The following CPXM2 variants were observed in gnomAD, a reference collection of about 807,000 sequenced individuals.
The protein encoded by CPXM2 is carboxypeptidase X, M14 family member 2, also known as inactive carboxypeptidase-like protein X2.
Under a neutral mutation model 86.1 loss-of-function variants are expected in CPXM2, and 66 were observed. The ratio of observed to expected loss-of-function variants is 0.77; its 90% CI spans 0.63 to 0.94. CPXM2 has a LOEUF of 0.94. Among genes scored for constraint, CPXM2 ranks in the 40% least tolerant of loss-of-function variants. The probability of loss-of-function intolerance (pLI) is 0.00; values close to 1 mark genes in which losing one functional copy is unlikely to be tolerated. For missense variants in CPXM2, 948 were observed against 1,026.3 expected (o/e 0.92, Z 1.04); for synonymous variants, 388 against 400.2 (o/e 0.97, Z 0.36).
intron 13 of CPXM2, among the ~76,000 whole-genome samples, chr10:123,749,059 G>C (rs983934848): frequency 6.6e-6 from 1 of 152,220 alleles, no homozygotes; most frequent in Admixed American, 6.5e-5. Context: ...TGAATGGGCT[G>C]GAGAGAAGTG....
intron 2 of CPXM2, among the ~76,000 whole-genome samples, chr10:123,879,443 G>C (rs1945045904): frequency 6.6e-6 from 1 of 152,090 alleles, no homozygotes; most frequent in Admixed American, 6.6e-5. Context: ...ACATTCCCAT[G>C]TCTCATTTTC....
chr10:123,905,793 C>G (rs1331955017), intron 2 of CPXM2, among the ~76,000 whole-genome samples: 1 of 152,154 alleles, frequency 6.6e-6, no homozygotes, highest in Admixed American at 6.5e-5. Flanking sequence ...GCCTCCCACC[C>G]CACCCTCACC....
chr10:123,752,912 G>A (rs1358232729), intron 13 of CPXM2, among the ~76,000 whole-genome samples: 3 of 152,156 alleles, frequency 2.0e-5, no homozygotes, highest in African/African-American at 7.2e-5. Context: ...TCATGGGGGC[G>A]AAGAGACAGA....
At chr10:123,923,995 A>T (rs1945601383) in intron 2 of CPXM2, among the ~76,000 whole-genome samples, 1 of 152,368 alleles carries the variant, frequency 6.6e-6, no homozygotes, top group African/African-American at 2.4e-5. Flanking sequence ...AGACTAATAC[A>T]CTAGCTATTA....
chr10:123,780,102 T>C, intron 7 of CPXM2, 65 bp downstream of exon 7: 1 of 1,029,542 alleles, frequency 9.7e-7, no homozygotes, highest in Non-Finnish European at 1.5e-6. Context: ...TAAGTGCTTA[T>C]GGACACATAA....
At chr10:123,937,470 A>ACACACACAC (rs1491511876) in intron 2 of CPXM2, among the ~76,000 whole-genome samples, 8 of 132,590 alleles carry the variant, frequency 6.0e-5, no homozygotes, top group African/African-American at 1.9e-4. Flanking sequence ...ACAACAAAAC[A>ACACACACAC]ACACACACAC....
chr10:123,858,943 G>A (rs1042157769), intron 3 of CPXM2, among the ~76,000 whole-genome samples: 1 of 152,184 alleles, frequency 6.6e-6, no homozygotes, highest in Non-Finnish European at 1.5e-5. Flanking sequence ...AAGAGCCAGC[G>A]GTGGGACCTG....
At chr10:123,925,545 G>T (rs1945615532) in intron 2 of CPXM2, among the ~76,000 whole-genome samples, 1 of 152,144 alleles carries the variant, frequency 6.6e-6, no homozygotes, top group Non-Finnish European at 1.5e-5. Flanking sequence ...ACCTTAATTT[G>T]TAAACATCCT....
At chr10:123,772,517 A>G (rs1846667468) in intron 7 of CPXM2, among the ~76,000 whole-genome samples, 1 of 149,126 alleles carries the variant, frequency 6.7e-6, no homozygotes. Flanking sequence ...GGGTGTAGTT[A>G]TCACCTCCCT....
At chr10:123,749,023 C>T (rs182823487) in intron 13 of CPXM2, among the ~76,000 whole-genome samples, 185 of 152,282 alleles carry the variant, frequency 1.2e-3, no homozygotes, top group African/African-American at 3.3e-3. Context: ...GACTGAACGC[C>T]GAACAGGTCT....
chr10:123,818,610 C>T (rs10902820), intron 4 of CPXM2, among the ~76,000 whole-genome samples: 32,655 of 152,146 alleles, frequency 0.21, 4,091 homozygotes, highest in East Asian at 0.42. Context: ...GTATTCTGCA[C>T]AGCATTGCCT....
chr10:123,768,559 G>A lies in CPXM2; in HGVS notation c.1266C>T (p.Leu422=). 6.2e-7 allele frequency: 1 copy of A among 1,613,904 alleles called. No homozygotes were observed. The highest frequency in any genetic ancestry group is 2.2e-5 in the East Asian group (1 of 44,862). ...AGGCCTTCTCGTAGCCATCGGGGTT[G>A]AGGGAGGGGAGGACGTGAATCCGCG... is the stretch of plus-strand genomic sequence containing the variant. ...EETRIHVLPS[L]NPDGYEKAYE... Residue 422 remains leucine (L), a synonymous_variant, in exon 9 of 14, where the codon CTC becomes CTT. Coordinates refer to ENST00000241305, the MANE Select transcript of CPXM2 (RefSeq NM_198148.3).
At chr10:123,872,332 A>C (rs1051356769) in intron 2 of CPXM2, among the ~76,000 whole-genome samples, 1 of 152,240 alleles carries the variant, frequency 6.6e-6, no homozygotes. Context: ...ATGCACTAGA[A>C]TACTATAAAT....
At chr10:123,914,821 GCTCT>G (rs1945521710) in intron 2 of CPXM2, among the ~76,000 whole-genome samples, 1 of 152,060 alleles carries the variant, frequency 6.6e-6, no homozygotes, top group South Asian at 2.1e-4. Flanking sequence ...TAGTCTCCAT[GCTCT>G]CTCTTTCTCC....
chr10:123,800,612 G>C (rs1300194172), intron 4 of CPXM2, among the ~76,000 whole-genome samples: 4 of 152,088 alleles, frequency 2.6e-5, no homozygotes, highest in Non-Finnish European at 5.9e-5. Context: ...CAACAGAGGC[G>C]GGAGCTGTAT....
intron 2 of CPXM2, among the ~76,000 whole-genome samples, chr10:123,906,662 C>T (rs77673938): frequency 2.6e-5 from 4 of 152,270 alleles, no homozygotes; most frequent in South Asian, 2.1e-4. Flanking sequence ...TACTTCATTT[C>T]GCCTCATGTG....
At position 123,752,685 on chromosome 10, in the gene CPXM2, A is replaced by G. The variant is rs1846106519; in HGVS notation, c.2017+1978T>C. 3 of 916,782 alleles carry G rather than the reference A, an allele frequency of 3.3e-6. No individual in the cohort carries two copies. In the South Asian group the frequency reaches 1.5e-4, roughly 46 times the overall value. 56.8% of individuals were successfully genotyped at this position (916,782 alleles called of 1,614,324 possible). A position where few individuals can be genotyped will look rare whatever the true frequency, so the allele number is the denominator to read the frequency against. ...CTCCTCCCTGTTCAAGAAAAATGGC[A>G]TGGAAATAAAGGAAGGAGCACCAGA... On this transcript the variant is annotated intron_variant, in intron 13 of 13. Coordinates refer to ENST00000241305, the MANE Select transcript of CPXM2 (RefSeq NM_198148.3).
At chr10:123,848,476 A>G (rs765779253) in intron 3 of CPXM2, among the ~76,000 whole-genome samples, 14 of 152,354 alleles carry the variant, frequency 9.2e-5, no homozygotes, top group Non-Finnish European at 1.5e-4. Context: ...TCCACGGTTT[A>G]AAATTAAAAA....
chr10:123,777,286 C>G (rs1846815373), intron 7 of CPXM2: 1 of 152,300 alleles, frequency 6.6e-6, no homozygotes. Flanking sequence ...TATGGGCCAT[C>G]AGCCAGTACT....
Sources: allele counts gnomAD v4.1 joint callset (sites outside exome capture counted in the v4.1 genomes callset), GRCh38; gene constraint gnomAD v4.1.1; transcripts MANE v1.5; gene names NCBI Gene and HGNC (gene_info 2026-07-23, HGNC 2026-07-21).